Variants in ANO3 observed in about 807,000 individuals in gnomAD.
ANO3 encodes the protein anoctamin-3.
In ANO3, 99 loss-of-function variants were observed where a neutral mutation model predicts 144.8. That is an observed-to-expected ratio of 0.68 (90% CI 0.58 to 0.81). ANO3 has a LOEUF of 0.81. ANO3 is among the 30% of genes least tolerant of loss of function. ANO3 has a pLI of 0.00. For missense variants in ANO3, 905 were observed against 1,202.2 expected (o/e 0.75, Z 3.66); for synonymous variants, 414 against 392.6 (o/e 1.05, Z -0.64).
intron 4 of ANO3, among the ~76,000 whole-genome samples, chr11:26,485,601 T>A (rs1174759775): frequency 6.6e-6 from 1 of 152,136 alleles, no homozygotes; most frequent in Non-Finnish European, 1.5e-5. Context: ...AAAATACATC[T>A]GATGATTAGG....
At chr11:26,471,270 T>C (rs1386414130) in intron 4 of ANO3, among the ~76,000 whole-genome samples, 1 of 151,938 alleles carries the variant, frequency 6.6e-6, no homozygotes, top group Non-Finnish European at 1.5e-5. Context: ...CTCAGATTTA[T>C]CTCTTTCCAA....
intron 1 of ANO3, among the ~76,000 whole-genome samples, chr11:26,417,270 G>T (rs1365424883): frequency 2.6e-5 from 4 of 152,068 alleles, no homozygotes; most frequent in Non-Finnish European, 4.4e-5. Flanking sequence ...ATCGCAAAAA[G>T]ACTGGACACA....
Position 26,397,531 on chromosome 11 carries a change from TCA to T in ANO3, c.47-44384_47-44383del, listed in dbSNP as rs928334746. 3.9e-5 allele frequency among the ~76,000 whole-genome samples: 6 copies of T among 152,210 alleles called. No homozygotes were observed. The South Asian group carries it at 6.2e-4, about 16-fold the overall frequency. ...AAAAGGAAACATCTTTGAAAGAATG[TCA>T]CAATATTTTGTATAATTTTTGTCTT... On this transcript the variant is annotated intron_variant, in intron 1 of 26. Coordinates refer to ENST00000256737, the MANE Select transcript of ANO3 (RefSeq NM_031418.4).
At chr11:26,533,206 C>T (rs1849417882) in intron 8 of ANO3, among the ~76,000 whole-genome samples, 1 of 151,846 alleles carries the variant, frequency 6.6e-6, no homozygotes, top group South Asian at 2.1e-4. Flanking sequence ...GAGAGAGCAG[C>T]ACATCCAAAG....
intron 6 of ANO3, among the ~76,000 whole-genome samples, chr11:26,524,279 G>A (rs1049603435): frequency 6.6e-5 from 10 of 152,224 alleles, no homozygotes; most frequent in South Asian, 2.1e-4. Context: ...TGTGAGTTTC[G>A]GATAGATATA....
chr11:26,277,653 T>C (rs1368535777), intron 1 of ANO3, among the ~76,000 whole-genome samples: 1 of 152,014 alleles, frequency 6.6e-6, no homozygotes, highest in Non-Finnish European at 1.5e-5. Flanking sequence ...TTCCTTCTGC[T>C]TGAAATGCCT....
At chr11:26,404,078 GT>G (rs558513041) in intron 1 of ANO3, among the ~76,000 whole-genome samples, 2 of 151,766 alleles carry the variant, frequency 1.3e-5, no homozygotes, top group East Asian at 2.0e-4. Flanking sequence ...TTTATTGACA[GT>G]TTTTTTCCAT....
At chr11:26,604,553 TG>T (rs1012308596) in intron 17 of ANO3, among the ~76,000 whole-genome samples, 10 of 152,204 alleles carry the variant, frequency 6.6e-5, no homozygotes, top group Non-Finnish European at 1.0e-4. Context: ...GAGAATAGAA[TG>T]TTTTTCCATT....
chr11:26,198,125 TTAGGGAGGAC>T (rs554797878), intron 1 of ANO3, among the ~76,000 whole-genome samples: 5 of 152,258 alleles, frequency 3.3e-5, no homozygotes, highest in Admixed American at 2.0e-4. Flanking sequence ...GAGGCACATG[TTAGGGAGGAC>T]TAGGGGATTG....
chr11:26,656,698 G>T (rs1035633749), intron 26 of ANO3, among the ~76,000 whole-genome samples: 1 of 152,020 alleles, frequency 6.6e-6, no homozygotes, highest in Non-Finnish European at 1.5e-5. Flanking sequence ...GGAAATCAGC[G>T]TTAATAAAAA....
chr11:26,562,491 T>C (rs1186796190), intron 14 of ANO3, among the ~76,000 whole-genome samples: 1 of 151,956 alleles, frequency 6.6e-6, no homozygotes. Context: ...AAATTGATAT[T>C]ATATTATTAA....
chr11:26,411,650 A>C (rs1590337956), intron 1 of ANO3, among the ~76,000 whole-genome samples: 2 of 152,124 alleles, frequency 1.3e-5, no homozygotes, highest in East Asian at 3.9e-4. Flanking sequence ...GCATGCACTT[A>C]TCTGATACTG....
chr11:26,484,707 C>T (rs921035896), intron 4 of ANO3, among the ~76,000 whole-genome samples: 2 of 152,146 alleles, frequency 1.3e-5, no homozygotes, highest in African/African-American at 2.4e-5. Context: ...TGACAGCTTG[C>T]ACCTTATACC....
intron 12 of ANO3, among the ~76,000 whole-genome samples, chr11:26,547,894 C>A (rs1286878300): frequency 1.3e-5 from 2 of 151,830 alleles, no homozygotes; most frequent in Non-Finnish European, 2.9e-5. Context: ...TATATTCATT[C>A]AAATCATTAT....
intron 4 of ANO3, among the ~76,000 whole-genome samples, chr11:26,497,025 G>GACACACAC (rs10597733): frequency 3.8e-4 from 55 of 142,980 alleles, no homozygotes; most frequent in African/African-American, 1.4e-3. Context: ...CATATATACA[G>GACACACAC]ACACACACAC....
chr11:26,428,459 T>C (rs1857984237), intron 1 of ANO3, among the ~76,000 whole-genome samples: 1 of 152,144 alleles, frequency 6.6e-6, no homozygotes, highest in Non-Finnish European at 1.5e-5. Flanking sequence ...GATTTCTCAA[T>C]AGCAAAGTAC....
At chr11:26,445,913 C>A (rs555115835) in intron 3 of ANO3, among the ~76,000 whole-genome samples, 2 of 152,124 alleles carry the variant, frequency 1.3e-5, no homozygotes, top group East Asian at 3.9e-4. Flanking sequence ...CTCACTGCAA[C>A]CTCTGCCTGC....
At chr11:26,564,088 G>T (rs1186073635) in intron 14 of ANO3, among the ~76,000 whole-genome samples, 1 of 151,524 alleles carries the variant, frequency 6.6e-6, no homozygotes, top group African/African-American at 2.4e-5. Flanking sequence ...CAGTAAACTT[G>T]TTACTAAAAG....
intron 1 of ANO3, among the ~76,000 whole-genome samples, chr11:26,323,645 C>T (rs1263846872): frequency 6.6e-6 from 1 of 152,116 alleles, no homozygotes; most frequent in East Asian, 1.9e-4. Context: ...GCAGAACCAA[C>T]ACTTGAACAC....
Sources: gnomAD v4.1 joint callset for allele counts (sites outside exome capture counted in the v4.1 genomes callset) on GRCh38, gnomAD v4.1.1 for gene constraint, MANE v1.5 for transcripts, NCBI Gene and HGNC (gene_info 2026-07-23, HGNC 2026-07-21) for gene names.